The following MYC variants were observed in gnomAD, a reference collection of about 807,000 sequenced individuals.
MYC encodes myc proto-oncogene protein.
In MYC, 1 loss-of-function variant was observed where a neutral mutation model predicts 30.5. That is an observed-to-expected ratio of 0.03 (90% CI 0.01 to 0.16). The LOEUF is 0.16. Among genes scored for constraint, MYC ranks in the 10% least tolerant of loss-of-function variants. MYC has a pLI of 1.00. For synonymous variants in MYC, 267 were observed against 250.7 expected, an observed-to-expected ratio of 1.07 and a Z score of -0.62; for missense variants, 508 against 589.0, an observed-to-expected ratio of 0.86 and a Z score of 1.42.
rs369999379 is a variant in MYC, at chr8:127,741,845, C to T, written c.*887C>T. Among the ~76,000 whole-genome samples, 5 of 152,170 alleles carry T rather than the reference C, an allele frequency of 3.3e-5. No homozygotes were observed. The highest frequency in any genetic ancestry group is 7.2e-5 in the African/African-American group (3 of 41,436). On this transcript the variant is annotated 3_prime_UTR_variant, in exon 3 of 3. Transcript: ENST00000621592. ...GAATTCTGCCCAGTTGATGGGGACA[C>T]GGTGGGAACCAGCTTCTGCTGCCTT...
chr8:127,739,113 G>T, intron 2 of MYC, 94 bp downstream of exon 2: 3 of 1,305,400 alleles, frequency 2.3e-6, no homozygotes, highest in Non-Finnish European at 3.0e-6. Context: ...CTCTTATTAG[G>T]AAGGAGAGAT....
rs1813707426 is a variant in MYC, at chr8:127,741,310, T to TTA, written c.*355_*356dup. ...CAATCCTAGTATATAGTACCTAGTA[T>TTA]TATAGGTACTATAAACCCTAATTTT... On this transcript the variant is annotated 3_prime_UTR_variant, in exon 3 of 3. Transcript: ENST00000621592. 4.1e-6 allele frequency: 1 copy of TTA among 245,646 alleles called. No homozygotes were observed. Among genetic ancestry groups the TTA allele is most frequent in the East Asian group, 6.0e-5 (1 of 16,648 alleles). 15.2% of individuals were successfully genotyped at this position (245,646 alleles called of 1,614,324 possible).
rs1027557588 is a variant in MYC, at chr8:127,738,002, G to C, written c.31-246G>C. 5.3e-5 allele frequency among the ~76,000 whole-genome samples: 8 copies of C among 151,800 alleles called. No individual in the cohort carries two copies. The highest frequency in any genetic ancestry group is 1.9e-4 in the African/African-American group (8 of 41,332). On this transcript the variant is annotated intron_variant, in intron 1 of 2. Transcript: ENST00000621592. The surrounding 1 kb of genome is among the most constrained non-coding windows in gnomAD (Gnocchi z 7.6). ...CTTTGCGCTCCGGGCTCCCGGGGGA[G>C]CGGGGGCTCGGCGGGCACCAAGCCG...
At chr8:127,739,628 G>T (rs73707294) in intron 2 of MYC, among the ~76,000 whole-genome samples, 2 of 150,666 alleles carry the variant, frequency 1.3e-5, no homozygotes, top group East Asian at 1.9e-4. Context: ...TCCTTCCCCC[G>T]CCCTCTTGGA....
In MYC at chr8:127,738,234, G is replaced by C. The variant is rs1387144883; in HGVS notation, c.31-14G>C. ...AACTCAAGACTGCCTCCCGCTTTGT[G>C]TGCCCCGCTCCAGCAGCCTCCCGCG... is the stretch of plus-strand genomic sequence containing the variant. On this transcript the variant is annotated splice_polypyrimidine_tract_variant and intron_variant, in intron 1 of 2. Transcript: ENST00000621592. The surrounding 1 kb of genome is among the most constrained non-coding windows in gnomAD (Gnocchi z 7.6). 10 of 1,564,818 alleles carry C rather than the reference G, an allele frequency of 6.4e-6. No homozygotes were observed. The Admixed American group carries it at 1.8e-4, about 29-fold the overall frequency.
rs4645967 is a variant in MYC, at chr8:127,740,352, A to G, written c.803-44A>G. The G allele has an allele frequency of 6.5e-4, 1,013 of 1,562,954 alleles. 10 individuals are homozygous for G. In the African/African-American group the frequency reaches 0.013, roughly 19 times the overall value. On this transcript the variant is annotated intron_variant, in intron 2 of 2. Transcript: ENST00000621592. ...ATTAATCTGGTAATTGATTATTTTAATGTAACCTTGCTAAAGGAGTGATTT... is the reference window on the plus strand; with the variant it reads ...ATTAATCTGGTAATTGATTATTTTAGTGTAACCTTGCTAAAGGAGTGATTT...
rs117856857 is a variant in MYC, at chr8:127,736,248, C to G, written c.-346C>G. On this transcript the variant is annotated 5_prime_UTR_variant, in exon 1 of 3. Coordinates refer to ENST00000621592, the MANE Select transcript of MYC (RefSeq NM_002467.6). ...CTTTATCTAACTCGCTGTAGTAATT[C>G]CAGCGAGAGGCAGAGGGAGCGAGCG... 0.018 allele frequency: 9,571 copies of G among 529,728 alleles called. 124 individuals are homozygous for G. Among genetic ancestry groups the G allele is most frequent in the Non-Finnish European group, 0.024 (7,158 of 302,120 alleles). 32.8% of individuals were successfully genotyped at this position (529,728 alleles called of 1,614,324 possible). A position where few individuals can be genotyped will look rare whatever the true frequency, so the allele number is the denominator to read the frequency against.
intron 2 of MYC, among the ~76,000 whole-genome samples, 178 bp downstream of exon 2, chr8:127,739,197 C>T (rs1175176181): frequency 1.3e-5 from 2 of 152,218 alleles, no homozygotes; most frequent in Admixed American, 6.5e-5. Flanking sequence ...CATCCCTTCC[C>T]CTTAGACTGC....
chr8:127,735,836 G>A (rs1183085499), upstream of MYC: 10 of 398,948 alleles, frequency 2.5e-5, no homozygotes, highest in Non-Finnish European at 3.5e-5. Context: ...AAAAGAAAAT[G>A]GTAGGCGCGC....
At chr8:127,736,212 GGTTTTCGGGGCTTTATCTAACTCGCTGTA>G (rs1289497103) in exon 1 of MYC, 1 of 495,802 alleles carries the variant, frequency 2.0e-6, no homozygotes, top group African/African-American at 1.9e-5. Context: ...TATAAAAGCC[GGTTTTCGGGGCTTTATCTAACTCGCTGTA>G]GTAATTCCAG....
At chr8:127,739,812 C>T (rs1191936310) in intron 2 of MYC, among the ~76,000 whole-genome samples, 2 of 152,000 alleles carry the variant, frequency 1.3e-5, no homozygotes, top group Non-Finnish European at 2.9e-5. Context: ...TGGGTGTGTC[C>T]AAAGCCTCAT....
rs200431478 is a variant in MYC at position 127,740,678 on chromosome 8, C to T, written c.1085C>T (p.Ser362Phe). The T allele has an allele frequency of 9.9e-4, 1,599 of 1,614,078 alleles. 17 individuals carry two copies. The South Asian group carries it at 0.01, about 10-fold the overall frequency. ...AACCGAAAATGCACCAGCCCCAGGT[C>T]CTCGGACACCGAGGAGAATGTCAAG... The change falls in exon 3 of 3, where the codon TCC (serine) becomes TTC (phenylalanine). Residue 362 changes from serine to phenylalanine, a missense_variant. Ser to Phe is a radical substitution (Grantham distance 155, BLOSUM62 -2). This residue lies in a region of MYC where 364 missense variants were observed against 381.1 expected (regional missense o/e 0.96). Coordinates refer to ENST00000621592, the MANE Select transcript of MYC (RefSeq NM_002467.6).
rs143241117 is a variant in MYC, at chr8:127,738,811, C to T, written c.594C>T (p.Ala198=). 4 of 1,609,346 alleles carry T rather than the reference C, an allele frequency of 2.5e-6. No homozygotes were observed. Among genetic ancestry groups the T allele is most frequent in the Admixed American group, 1.7e-5 (1 of 59,544 alleles). The change falls in exon 2 of 3, where the codon GCC becomes GCT. Residue 198 remains alanine (A), a synonymous_variant. Coordinates refer to ENST00000621592, the MANE Select transcript of MYC (RefSeq NM_002467.6). The surrounding 1 kb of genome is among the most constrained non-coding windows in gnomAD (Gnocchi z 7.6). ...GCTTGTACCTGCAGGATCTGAGCGC[C>T]GCCGCCTCAGAGTGCATCGACCCCT...
At position 127,741,992 on chromosome 8, in the gene MYC, T is replaced by A. The variant is rs1450761255; in HGVS notation, c.*1034T>A. 2.6e-5 allele frequency among the ~76,000 whole-genome samples: 4 copies of A among 152,224 alleles called. No individual in the cohort carries two copies. Among genetic ancestry groups the A allele is most frequent in the Admixed American group, 2.6e-4 (4 of 15,288 alleles). On this transcript the variant is annotated 3_prime_UTR_variant, in exon 3 of 3. Transcript: ENST00000621592. Reference sequence around the variant, plus strand: ...AATAGAAGAGCTCAAAGAGGTTATGTAACTTATCTGTAGCCACGCAGATAA... The same window carrying A: ...AATAGAAGAGCTCAAAGAGGTTATGAAACTTATCTGTAGCCACGCAGATAA...
intron 2 of MYC, among the ~76,000 whole-genome samples, chr8:127,739,250 G>A (rs1204138064): frequency 6.6e-6 from 1 of 152,092 alleles, no homozygotes; most frequent in Non-Finnish European, 1.5e-5. Flanking sequence ...CCACCCCTCA[G>A]GAATTTCATT....
chr8:127,740,412 TGAG>T lies in MYC; in HGVS notation c.822_824del (p.Glu276del), dbSNP rs766583593. 1.2e-6 allele frequency: 2 copies of T among 1,613,606 alleles called. No homozygotes were observed. The highest frequency in any genetic ancestry group is 1.7e-6 in the Non-Finnish European group (2 of 1,179,586). On this transcript the variant is annotated inframe_deletion, in exon 3 of 3. Coordinates refer to ENST00000621592, the MANE Select transcript of MYC (RefSeq NM_002467.6). ...TTCTTAAAGAGGAGGAACAAGAAGA[TGAG>T]GAAGAAATCGATGTTGTTTCTGTGG...
chr8:127,739,239 C>T (rs746365555), intron 2 of MYC, among the ~76,000 whole-genome samples: 1 of 152,184 alleles, frequency 6.6e-6, no homozygotes, highest in Admixed American at 6.5e-5. Context: ...CCGTTTGTCT[C>T]CCACCCCTCA....
upstream of MYC, chr8:127,735,705 TCG>T (rs1813570794): frequency 2.5e-6 from 1 of 398,906 alleles, no homozygotes; most frequent in Admixed American, 4.4e-5. Flanking sequence ...CAGTGCGTTC[TCG>T]GTGTGGAGGG....
rs754661463 is a variant in MYC at position 127,738,922 on chromosome 8, G to A, written c.705G>A (p.Ser235=). 4.4e-6 allele frequency: 7 copies of A among 1,608,808 alleles called. No homozygotes were observed. The highest frequency in any genetic ancestry group is 3.3e-5 in the South Asian group (3 of 91,020). Residue 235 remains serine (S), a synonymous_variant, in exon 2 of 3, where the codon TCG becomes TCA. Transcript: ENST00000621592. The surrounding 1 kb of genome is among the most constrained non-coding windows in gnomAD (Gnocchi z 7.6). ...ACTCCAGCGCCTTCTCTCCGTCCTCGGATTCTCTGCTCTCCTCGACGGAGT... is the reference window on the plus strand; with the variant it reads ...ACTCCAGCGCCTTCTCTCCGTCCTCAGATTCTCTGCTCTCCTCGACGGAGT...
Sources: allele counts gnomAD v4.1 joint callset (sites outside exome capture counted in the v4.1 genomes callset), GRCh38; gene constraint gnomAD v4.1.1; regional missense constraint gnomAD v4.1.1; non-coding constraint Gnocchi (gnomAD v3.1); transcripts MANE v1.5; gene names NCBI Gene and HGNC (gene_info 2026-07-23, HGNC 2026-07-21).